BTBD9: variants seen among roughly 807,000 people sequenced by gnomAD.
The protein encoded by BTBD9 is BTB/POZ domain-containing protein 9.
In BTBD9, 49 loss-of-function variants were observed where a neutral mutation model predicts 64.3. The ratio of observed to expected loss-of-function variants is 0.76; its 90% CI spans 0.61 to 0.97. The LOEUF is 0.97. Ranked by LOEUF, BTBD9 falls within the 50% of genes least tolerant of loss-of-function variation. BTBD9 has a pLI of 0.00. For missense variants in BTBD9, 598 were observed against 762.1 expected, an observed-to-expected ratio of 0.78 and a Z score of 2.53; for synonymous variants, 260 against 274.7, an observed-to-expected ratio of 0.95 and a Z score of 0.53.
chr6:38,360,537 A>G (rs2127597634), intron 6 of BTBD9, among the ~76,000 whole-genome samples: 1 of 152,310 alleles, frequency 6.6e-6, no homozygotes, highest in African/African-American at 2.4e-5. Flanking sequence ...ATGATAGCAC[A>G]TAGGAATGGT....
chr6:38,318,522 T>A (rs1763110074), intron 7 of BTBD9, among the ~76,000 whole-genome samples: 1 of 152,236 alleles, frequency 6.6e-6, no homozygotes, highest in Non-Finnish European at 1.5e-5. Flanking sequence ...TATAGACTCA[T>A]AGAGGTACTG....
intron 9 of BTBD9, among the ~76,000 whole-genome samples, chr6:38,250,686 A>G (rs1037520503): frequency 1.5e-4 from 23 of 152,362 alleles, no homozygotes; most frequent in African/African-American, 5.3e-4. Context: ...TGAGAAGTAG[A>G]ATGGGAAAAA....
chr6:38,312,000 T>C (rs752701189), intron 7 of BTBD9, among the ~76,000 whole-genome samples: 5 of 152,170 alleles, frequency 3.3e-5, no homozygotes, highest in African/African-American at 7.2e-5. Context: ...TAGCTGGGAC[T>C]ACAGGTGCGC....
chr6:38,190,500 C>T (rs1762027129), intron 10 of BTBD9, among the ~76,000 whole-genome samples: 1 of 150,598 alleles, frequency 6.6e-6, no homozygotes, highest in Non-Finnish European at 1.5e-5. Flanking sequence ...AGATGTTTCC[C>T]AGTTGACAAC....
chr6:38,202,494 C>A (rs746395332), intron 9 of BTBD9, among the ~76,000 whole-genome samples: 3 of 152,142 alleles, frequency 2.0e-5, no homozygotes, highest in Non-Finnish European at 4.4e-5. Flanking sequence ...AAGCTAGAGG[C>A]TTTGCAGTCA....
At chr6:38,591,972 G>T (rs1776812780) in intron 4 of BTBD9, among the ~76,000 whole-genome samples, 1 of 152,052 alleles carries the variant, frequency 6.6e-6, no homozygotes, top group African/African-American at 2.4e-5. Context: ...ATCACCTGAG[G>T]TCAGGAGTTT....
intron 8 of BTBD9, among the ~76,000 whole-genome samples, chr6:38,275,298 T>G (rs1765345203): frequency 1.3e-5 from 2 of 151,930 alleles, no homozygotes; most frequent in East Asian, 1.9e-4. Flanking sequence ...TAGCCATATG[T>G]AGAAAGCTGA....
chr6:38,224,649 A>G (rs1359661843), intron 9 of BTBD9, among the ~76,000 whole-genome samples: 1 of 152,250 alleles, frequency 6.6e-6, no homozygotes, highest in African/African-American at 2.4e-5. Flanking sequence ...CTTGTGTAAG[A>G]CCAAGATCTA....
chr6:38,478,423 T>C (rs1164388686), intron 6 of BTBD9, among the ~76,000 whole-genome samples: 1 of 152,230 alleles, frequency 6.6e-6, no homozygotes, highest in Non-Finnish European at 1.5e-5. Context: ...TTAGTATGAT[T>C]TGACTATCTC....
chr6:38,405,650 G>T (rs1427157153), intron 6 of BTBD9, among the ~76,000 whole-genome samples: 3 of 150,892 alleles, frequency 2.0e-5, no homozygotes, highest in Non-Finnish European at 4.4e-5. Flanking sequence ...CATTCTCAGT[G>T]CAAATGATAT....
intron 9 of BTBD9, among the ~76,000 whole-genome samples, chr6:38,203,640 T>C (rs1372352262): frequency 6.6e-6 from 1 of 152,158 alleles, no homozygotes; most frequent in Non-Finnish European, 1.5e-5. Context: ...AGTGATATCA[T>C]TCAGGCCCAG....
At chr6:38,424,111 C>T (rs1768033641) in intron 6 of BTBD9, among the ~76,000 whole-genome samples, 1 of 152,012 alleles carries the variant, frequency 6.6e-6, no homozygotes, top group African/African-American at 2.4e-5. Flanking sequence ...GAATTTTATA[C>T]TCATTCATTG....
rs1179130371 is a variant in BTBD9 at position 38,598,125 on chromosome 6, T to C, written c.-27-4A>G. On this transcript the variant is annotated splice_polypyrimidine_tract_variant and splice_region_variant and intron_variant, in intron 1 of 10. Coordinates refer to ENST00000481247, the MANE Select transcript of BTBD9 (RefSeq NM_001099272.2). ...GGAATAGACGATAGTCGTTGTTCTA[T>C]CATATAAAGAAGGAATGAGAGTTAG... 1 of 1,597,438 alleles carries C rather than the reference T, an allele frequency of 6.3e-7. No homozygotes were observed. The highest frequency in any genetic ancestry group is 8.6e-7 in the Non-Finnish European group (1 of 1,169,394).
chr6:38,195,542 C>G (rs148574753), intron 9 of BTBD9, among the ~76,000 whole-genome samples: 1 of 152,136 alleles, frequency 6.6e-6, no homozygotes, highest in Non-Finnish European at 1.5e-5. Context: ...ACAAAAAAAC[C>G]CACGCAGGAT....
intron 6 of BTBD9, among the ~76,000 whole-genome samples, chr6:38,388,903 T>C (rs543100863): frequency 4.7e-4 from 71 of 152,308 alleles, no homozygotes; most frequent in African/African-American, 1.6e-3. Flanking sequence ...TGTCTTACCC[T>C]TTCTCAAGAA....
At chr6:38,458,833 C>T (rs1182312747) in intron 6 of BTBD9, among the ~76,000 whole-genome samples, 1 of 151,956 alleles carries the variant, frequency 6.6e-6, no homozygotes, top group Non-Finnish European at 1.5e-5. Context: ...TTTCCCCCCT[C>T]CTTATAACAA....
At chr6:38,424,062 G>A (rs760180679) in intron 6 of BTBD9, among the ~76,000 whole-genome samples, 1 of 151,692 alleles carries the variant, frequency 6.6e-6, no homozygotes, top group Non-Finnish European at 1.5e-5. Context: ...TCTAGGCTAG[G>A]TACCCAGGAT....
chr6:38,182,410 T>C (rs1214064831), intron 10 of BTBD9, among the ~76,000 whole-genome samples: 1 of 152,140 alleles, frequency 6.6e-6, no homozygotes, highest in Non-Finnish European at 1.5e-5. Flanking sequence ...CTTTTAGTTA[T>C]TTTTTTGAAA....
chr6:38,265,291 T>G (rs1261105797), intron 8 of BTBD9, among the ~76,000 whole-genome samples: 1 of 152,112 alleles, frequency 6.6e-6, no homozygotes, highest in Non-Finnish European at 1.5e-5. Flanking sequence ...AAGGAGGGAT[T>G]TTCTTTCTCA....
Sources: gnomAD v4.1 joint callset for allele counts (sites outside exome capture counted in the v4.1 genomes callset) on GRCh38, gnomAD v4.1.1 for gene constraint, MANE v1.5 for transcripts, NCBI Gene and HGNC (gene_info 2026-07-23, HGNC 2026-07-21) for gene names.